The following TSPAN19 variants were observed in gnomAD, a reference collection of about 807,000 sequenced individuals.
The protein encoded by TSPAN19 is tetraspanin 19, also known as tetraspanin-19.
TSPAN19 carries 44 observed loss-of-function variants against 35.1 expected under a neutral mutation model. The observed-to-expected ratio is 1.25, with a 90% CI of 0.98 to 1.61. The LOEUF (loss-of-function observed/expected upper bound fraction) is 1.61, where lower values mean the gene tolerates loss of function less well. Among genes scored for constraint, TSPAN19 ranks in the 40% most tolerant of loss-of-function variants. The probability of loss-of-function intolerance (pLI) is 0.00; values close to 1 mark genes in which losing one functional copy is unlikely to be tolerated. For synonymous variants in TSPAN19, 79 were observed against 92.0 expected, an observed-to-expected ratio of 0.86 and a Z score of 0.81; for missense variants, 290 against 280.0, an observed-to-expected ratio of 1.04 and a Z score of -0.26.
chr12:85,032,217 T>TG (rs1386281923), intron 1 of TSPAN19, among the ~76,000 whole-genome samples: 4 of 152,114 alleles, frequency 2.6e-5, no homozygotes, highest in African/African-American at 9.7e-5. Context: ...TAGCATAGGC[T>TG]GTACAGACTT....
At chr12:85,030,921 A>C (rs1381861153) in intron 1 of TSPAN19, among the ~76,000 whole-genome samples, 1 of 152,128 alleles carries the variant, frequency 6.6e-6, no homozygotes, top group East Asian at 1.9e-4. Context: ...TGTAGTTTAC[A>C]ATGTTTTAAT....
chr12:85,025,488 T>C (rs1877360339), intron 4 of TSPAN19, among the ~76,000 whole-genome samples: 1 of 150,498 alleles, frequency 6.6e-6, no homozygotes, highest in Non-Finnish European at 1.5e-5. Context: ...AGAGTAGGAG[T>C]ATGTTAAATC....
rs1877606223 is a variant in TSPAN19, at chr12:85,029,913, A to G, written c.34T>C (p.Tyr12His). 1.4e-6 allele frequency: 2 copies of G among 1,461,662 alleles called. No homozygotes were observed. The allele number at this position is 1,461,662 out of a possible 1,614,324, so 90.5% of individuals were successfully genotyped here. ...GCTCCATTAATGAGATTAAGAAAGT[A>G]CTTAATAATTATTGTTTTGTTATTT... ...LRNNKTIIIK[Y>H]FLNLINGAFL... Residue 12 changes from tyrosine (Y) to histidine (H), a missense_variant, in exon 2 of 9, where the codon TAC (tyrosine) becomes CAC (histidine). Tyr to His is a moderately conservative substitution (Grantham distance 83). Transcript: ENST00000532498.
Position 85,017,538 on chromosome 12 carries a change from G to A in TSPAN19, c.512C>T (p.Ser171Leu), listed in dbSNP as rs1236824185. 8 of 1,599,798 alleles carry A rather than the reference G, an allele frequency of 5.0e-6. No homozygotes were observed. The highest frequency in any genetic ancestry group is 1.1e-5 in the South Asian group (1 of 89,080). ...TGTGCAAGAACATGGCACCTGTCCTGAATTTTCTTTGTTCTTATTCTTTAT... is the reference window on the plus strand; with the variant it reads ...TGTGCAAGAACATGGCACCTGTCCTAAATTTTCTTTGTTCTTATTCTTTAT... The part of the protein sequence containing the change: ...DWIKNKNKEN[S>L]GQVPCSCTKS... The change falls in exon 7 of 9, where the codon TCA becomes TTA. Residue 171 changes from serine to leucine, a missense_variant. Physicochemically the swap from Ser to Leu is moderately radical, Grantham distance 145. Transcript: ENST00000532498.
At chr12:85,024,373 G>A (rs1877284726) in intron 4 of TSPAN19, among the ~76,000 whole-genome samples, 2 of 152,144 alleles carry the variant, frequency 1.3e-5, no homozygotes, top group African/African-American at 4.8e-5. Context: ...AGACACGTAA[G>A]CATGAGCCTC....
intron 1 of TSPAN19, among the ~76,000 whole-genome samples, chr12:85,032,388 A>G (rs931825493): frequency 6.6e-6 from 1 of 152,158 alleles, no homozygotes. Context: ...GAAGACAATC[A>G]AGGCATGATC....
intron 4 of TSPAN19, among the ~76,000 whole-genome samples, chr12:85,027,041 A>G (rs1415576470): frequency 6.6e-6 from 1 of 152,118 alleles, no homozygotes; most frequent in Non-Finnish European, 1.5e-5. Flanking sequence ...TGTAAAGGCT[A>G]TATTTCATCT....
intron 7 of TSPAN19, chr12:85,016,284 C>T (rs1162174081): frequency 5.0e-6 from 1 of 198,336 alleles, no homozygotes; most frequent in Non-Finnish European, 1.0e-5. Flanking sequence ...CCTACTTACC[C>T]ACCAGCAATA....
Position 85,019,751 on chromosome 12 carries a change from A to G in TSPAN19, c.340-15T>C, listed in dbSNP as rs1877020650. The G allele has an allele frequency of 2.0e-6, 3 of 1,488,886 alleles. No individual in the cohort carries two copies. The allele number at this position is 1,488,886 out of a possible 1,614,324, so 92.2% of individuals were successfully genotyped here. A position where few individuals can be genotyped will look rare whatever the true frequency, so the allele number is the denominator to read the frequency against. On this transcript the variant is annotated splice_polypyrimidine_tract_variant and intron_variant, in intron 5 of 8. Transcript: ENST00000532498. The stretch of plus-strand genomic sequence containing the variant: ...AGTTGCTGAACCTGTAGAAAATTGT[A>G]TTAAAAATGAAAATTTCATAGGAAT...
chr12:85,018,432 T>C (rs958021982), intron 6 of TSPAN19, among the ~76,000 whole-genome samples: 4 of 151,928 alleles, frequency 2.6e-5, no homozygotes, highest in African/African-American at 9.7e-5. Context: ...TCAGTTATAT[T>C]AATGGCTAGG....
At chr12:85,027,495 G>C (rs1877471861) in intron 4 of TSPAN19, among the ~76,000 whole-genome samples, 1 of 151,982 alleles carries the variant, frequency 6.6e-6, no homozygotes, top group African/African-American at 2.4e-5. Context: ...CGCGTGCCAT[G>C]CCCACAGAGA....
chr12:85,025,388 C>T (rs961982010), intron 4 of TSPAN19, among the ~76,000 whole-genome samples: 1 of 152,240 alleles, frequency 6.6e-6, no homozygotes, highest in East Asian at 1.9e-4. Context: ...GATCTGCCCA[C>T]CTTGGCCTCC....
chr12:85,017,264 T>C (rs1876863528), intron 7 of TSPAN19, 192 bp downstream of exon 7: 1 of 526,320 alleles, frequency 1.9e-6, no homozygotes, highest in Non-Finnish European at 3.3e-6. Context: ...TTATTTACTT[T>C]ACGTATTATA....
At chr12:85,028,663 T>C (rs1403770006) in intron 3 of TSPAN19, among the ~76,000 whole-genome samples, 2 of 152,176 alleles carry the variant, frequency 1.3e-5, no homozygotes, top group Non-Finnish European at 2.9e-5. Flanking sequence ...GGCAGTAGTG[T>C]GCTGGAGTGA....
At chr12:85,032,411 A>G (rs973974251) in intron 1 of TSPAN19, among the ~76,000 whole-genome samples, 8 of 152,160 alleles carry the variant, frequency 5.3e-5, no homozygotes, top group African/African-American at 1.9e-4. Flanking sequence ...ATGGAAACCA[A>G]TAGAGAAAGA....
At chr12:85,027,391 C>A (rs1355710336) in intron 4 of TSPAN19, among the ~76,000 whole-genome samples, 1 of 151,972 alleles carries the variant, frequency 6.6e-6, no homozygotes, top group Non-Finnish European at 1.5e-5. Context: ...CAGCATCGTG[C>A]AATATACCCA....
intron 7 of TSPAN19, 109 bp downstream of exon 7, chr12:85,017,347 G>GT (rs1371014893): frequency 9.9e-7 from 1 of 1,008,214 alleles, no homozygotes; most frequent in African/African-American, 1.7e-5. Flanking sequence ...TGTAGCCACC[G>GT]TCAACAACAT....
At position 85,023,419 on chromosome 12, in the gene TSPAN19, A is replaced by G. The variant is rs1364709161; in HGVS notation, c.265-19T>C. On this transcript the variant is annotated intron_variant, in intron 4 of 8. Coordinates refer to ENST00000532498, the MANE Select transcript of TSPAN19 (RefSeq NM_001100917.2). ...CTGCATACTAAAACAAAAGAAAAAT[A>G]GAGATGATGACTATGCTACTAATAT... 14 of 1,539,182 alleles carry G rather than the reference A, an allele frequency of 9.1e-6. No individual in the cohort carries two copies. The highest frequency in any genetic ancestry group is 1.2e-5 in the Non-Finnish European group (14 of 1,132,782).
intron 1 of TSPAN19, among the ~76,000 whole-genome samples, chr12:85,033,614 T>G: frequency 6.6e-6 from 1 of 152,136 alleles, no homozygotes. Context: ...TTAAATTGAT[T>G]CCCTTTATCG....
Sources: allele counts gnomAD v4.1 joint callset (sites outside exome capture counted in the v4.1 genomes callset), GRCh38; gene constraint gnomAD v4.1.1; transcripts MANE v1.5; gene names NCBI Gene and HGNC (gene_info 2026-07-23, HGNC 2026-07-21).